Variants in RNLS observed in about 807,000 individuals in gnomAD.
RNLS encodes renalase.
RNLS carries 39 observed loss-of-function variants against 39.8 expected under a neutral mutation model. The observed-to-expected ratio is 0.98, with a 90% CI of 0.76 to 1.28. The LOEUF is 1.28. Among genes scored for constraint, RNLS ranks in the 50% most tolerant of loss-of-function variants. The pLI is 0.00. For missense variants in RNLS, 410 were observed against 413.3 expected, an observed-to-expected ratio of 0.99 and a Z score of 0.07; for synonymous variants, 147 against 150.7, an observed-to-expected ratio of 0.98 and a Z score of 0.18.
rs562149417 is a variant in RNLS at position 88,323,762 on chromosome 10, A to C, written c.701-9121T>G. ...AACAAAAACAGACAAATGGGATTTAATTAAACTAATTAACAGAGTAAATAG... is the reference window on the plus strand; with the variant it reads ...AACAAAAACAGACAAATGGGATTTACTTAAACTAATTAACAGAGTAAATAG... On this transcript the variant is annotated intron_variant, in intron 5 of 6. Transcript: ENST00000331772. Among the ~76,000 whole-genome samples the C allele has an allele frequency of 2.6e-5, 4 of 152,338 alleles. No individual in the cohort carries two copies. In the East Asian group the frequency reaches 5.8e-4, roughly 22 times the overall value.
chr10:88,327,875 T>A lies in RNLS; in HGVS notation c.701-13234A>T, dbSNP rs1846748567. 2.6e-5 allele frequency among the ~76,000 whole-genome samples: 4 copies of A among 152,156 alleles called. No homozygotes were observed. The South Asian group carries it at 8.3e-4, about 32-fold the overall frequency. ...GCCTCGGCCTCCCAAAGTGCTAGGA[T>A]TATAGGCGTGAGCCACTGCGCCCAG... On this transcript the variant is annotated intron_variant, in intron 5 of 6. Coordinates refer to ENST00000331772, the MANE Select transcript of RNLS (RefSeq NM_001031709.3).
chr10:88,217,714 GA>G, the RNLS span, among the ~76,000 whole-genome samples: 2 of 99,602 alleles, frequency 2.0e-5, no homozygotes, highest in Admixed American at 2.3e-4. Flanking sequence ...TGATACTCAA[GA>G]AAATCTCTTA....
At chr10:88,218,685 TCAATTCCCCTGCCTCTAACTCACCC>T in the RNLS span, among the ~76,000 whole-genome samples, 1 of 152,198 alleles carries the variant, frequency 6.6e-6, no homozygotes, top group Non-Finnish European at 1.5e-5. Flanking sequence ...CTCTCCTACC[TCAATTCCCCTGCCTCTAACTCACCC>T]CAAACAAGGT....
chr10:88,256,585 C>G, the RNLS span, among the ~76,000 whole-genome samples: 1 of 152,226 alleles, frequency 6.6e-6, no homozygotes. Context: ...GCCAAACCCT[C>G]CCTCACAAAC....
chr10:88,275,688 G>A (rs1047353160), intron 6 of RNLS, among the ~76,000 whole-genome samples: 1 of 152,122 alleles, frequency 6.6e-6, no homozygotes, highest in Non-Finnish European at 1.5e-5. Context: ...AAAACGCACA[G>A]AACATTACCA....
chr10:88,448,644 T>C (rs1263023170), intron 4 of RNLS, among the ~76,000 whole-genome samples: 1 of 152,204 alleles, frequency 6.6e-6, no homozygotes, highest in African/African-American at 2.4e-5. Context: ...GCCATCCCAT[T>C]ACTGGGTATA....
intron 4 of RNLS, among the ~76,000 whole-genome samples, chr10:88,490,053 T>C (rs1225573700): frequency 1.3e-5 from 2 of 152,186 alleles, no homozygotes; most frequent in Non-Finnish European, 2.9e-5. Context: ...ATAAATGTTT[T>C]ATATGGATTT....
the RNLS span, among the ~76,000 whole-genome samples, chr10:88,186,540 T>C: frequency 6.6e-6 from 1 of 152,180 alleles, no homozygotes; most frequent in Non-Finnish European, 1.5e-5. Context: ...ATGAAAGTGC[T>C]TGGGAGCTGG....
the RNLS span, among the ~76,000 whole-genome samples, chr10:88,240,625 A>G: frequency 2.0e-5 from 3 of 151,984 alleles, no homozygotes; most frequent in Non-Finnish European, 2.9e-5. Flanking sequence ...CCCACATCCA[A>G]TCAATCACCA....
the RNLS span, among the ~76,000 whole-genome samples, chr10:88,260,218 A>T: frequency 3.3e-5 from 5 of 152,166 alleles, no homozygotes; most frequent in African/African-American, 1.2e-4. Context: ...GAAGATAAGC[A>T]AACTTGAGCT....
intron 4 of RNLS, among the ~76,000 whole-genome samples, chr10:88,485,830 G>T (rs559464471): frequency 6.6e-6 from 1 of 151,916 alleles, no homozygotes; most frequent in African/African-American, 2.4e-5. Flanking sequence ...AGTACGCACC[G>T]ACTGAATGGA....
chr10:88,248,819 C>T, the RNLS span, among the ~76,000 whole-genome samples: 1 of 152,304 alleles, frequency 6.6e-6, no homozygotes, highest in South Asian at 2.1e-4. Flanking sequence ...CTTGCAACTG[C>T]AGTTTTCTTG....
chr10:88,314,444 G>A, intron 6 of RNLS, 22 bp downstream of exon 6: 1 of 1,611,646 alleles, frequency 6.2e-7, no homozygotes, highest in Non-Finnish European at 8.5e-7. Flanking sequence ...GTTGTGCTTA[G>A]ACCACTGGAT....
intron 4 of RNLS, among the ~76,000 whole-genome samples, chr10:88,428,884 A>G (rs934911636): frequency 2.0e-5 from 3 of 151,940 alleles, no homozygotes; most frequent in Non-Finnish European, 4.4e-5. Context: ...GTGAAGGCAG[A>G]ATCTATTTCT....
At chr10:88,430,345 T>C (rs910667251) in intron 4 of RNLS, among the ~76,000 whole-genome samples, 1 of 151,860 alleles carries the variant, frequency 6.6e-6, no homozygotes, top group Non-Finnish European at 1.5e-5. Context: ...ATTTCTCTAG[T>C]AGATAGCAGC....
intron 6 of RNLS, among the ~76,000 whole-genome samples, chr10:88,308,726 C>A (rs868174757): frequency 2.0e-5 from 3 of 152,150 alleles, no homozygotes; most frequent in Admixed American, 6.5e-5. Context: ...TCCTTAAAGA[C>A]CTAAAATCAC....
chr10:88,426,468 AAGG>A (rs1192840352), intron 4 of RNLS, among the ~76,000 whole-genome samples: 1 of 152,056 alleles, frequency 6.6e-6, no homozygotes, highest in Non-Finnish European at 1.5e-5. Context: ...GGAAAAAGAA[AAGG>A]AGGAGATACA....
chr10:88,448,256 T>G (rs1842159169), intron 4 of RNLS, among the ~76,000 whole-genome samples: 1 of 152,076 alleles, frequency 6.6e-6, no homozygotes, highest in Non-Finnish European at 1.5e-5. Context: ...TGCAATATAC[T>G]CATCTGACAA....
At chr10:88,249,575 G>T in the RNLS span, among the ~76,000 whole-genome samples, 3 of 152,242 alleles carry the variant, frequency 2.0e-5, no homozygotes, top group East Asian at 1.9e-4. Flanking sequence ...ACACCTGGGG[G>T]CTGGAATCAT....
Sources: gnomAD v4.1 joint callset for allele counts (sites outside exome capture counted in the v4.1 genomes callset) on GRCh38, gnomAD v4.1.1 for gene constraint, MANE v1.5 for transcripts, NCBI Gene and HGNC (gene_info 2026-07-23, HGNC 2026-07-21) for gene names.